The following MITF variants were observed in gnomAD, a reference collection of about 807,000 sequenced individuals.
MITF encodes the protein microphthalmia-associated transcription factor.
In MITF, 17 loss-of-function variants were observed where a neutral mutation model predicts 60.5. That is an observed-to-expected ratio of 0.28 (90% CI 0.19 to 0.42). The LOEUF (loss-of-function observed/expected upper bound fraction) is 0.42, where lower values mean the gene tolerates loss of function less well. MITF is among the 10% of genes least tolerant of loss of function. MITF has a pLI of 1.00. For missense variants in MITF, 622 were observed against 683.5 expected (o/e 0.91, Z 1.00); for synonymous variants, 260 against 248.5 (o/e 1.05, Z -0.43).
At chr3:69,743,143 G>T (rs1703593147) in intron 1 of MITF, among the ~76,000 whole-genome samples, 1 of 152,112 alleles carries the variant, frequency 6.6e-6, no homozygotes, top group African/African-American at 2.4e-5. Flanking sequence ...AGGATGTCCA[G>T]CAGCATCCCT....
intron 2 of MITF, among the ~76,000 whole-genome samples, chr3:69,931,781 A>G (rs2065729878): frequency 6.6e-6 from 1 of 152,304 alleles, no homozygotes; most frequent in East Asian, 1.9e-4. Context: ...GGATTTACAC[A>G]GTTTTATCTT....
Position 69,965,071 on chromosome 3 carries a change from C to T in MITF, c.1404C>T (p.Asn468=), listed in dbSNP as rs771053835. ...NNNLGTGTEA[N]QAYSVPTKMG... is the part of the protein sequence containing the mutation. ...ACCTCGGAACTGGGACTGAGGCCAACCAAGCCTATAGTGTCCCCACAAAAA... is the reference window on the plus strand; with the variant it reads ...ACCTCGGAACTGGGACTGAGGCCAATCAAGCCTATAGTGTCCCCACAAAAA... The change falls in exon 10 of 10, where the codon AAC becomes AAT. Residue 468 remains asparagine, a synonymous_variant. Coordinates refer to ENST00000352241, the MANE Select transcript of MITF (RefSeq NM_001354604.2). 15 of 1,614,016 alleles carry T rather than the reference C, an allele frequency of 9.3e-6. No individual in the cohort carries two copies. The African/African-American group carries it at 1.5e-4, about 16-fold the overall frequency.
At chr3:69,803,617 C>G (rs1575738223) in intron 1 of MITF, among the ~76,000 whole-genome samples, 1 of 152,096 alleles carries the variant, frequency 6.6e-6, no homozygotes. Flanking sequence ...AAAAGTAAAT[C>G]TAATTTTTTA....
intron 1 of MITF, among the ~76,000 whole-genome samples, chr3:69,835,251 T>A (rs2063523353): frequency 6.6e-6 from 1 of 152,054 alleles, no homozygotes; most frequent in South Asian, 2.1e-4. Context: ...CACCTGGGCT[T>A]AAGCAATCTA....
At chr3:69,858,115 T>C (rs951248706) in intron 1 of MITF, among the ~76,000 whole-genome samples, 3 of 152,136 alleles carry the variant, frequency 2.0e-5, no homozygotes, top group African/African-American at 7.2e-5. Context: ...TATTATTTCA[T>C]GGTAATATTC....
At chr3:69,945,198 A>G (rs1559739339) in intron 5 of MITF, among the ~76,000 whole-genome samples, 1 of 152,300 alleles carries the variant, frequency 6.6e-6, no homozygotes, top group East Asian at 1.9e-4. Flanking sequence ...TTTTACAATT[A>G]TCATTTACTT....
chr3:69,745,398 G>A lies in MITF; in HGVS notation c.104+5697G>A, dbSNP rs556910658. Among the ~76,000 whole-genome samples, 18 of 152,240 alleles carry A rather than the reference G, an allele frequency of 1.2e-4. 1 individual carries two copies. In the South Asian group the frequency reaches 3.7e-3, roughly 32 times the overall value. On this transcript the variant is annotated intron_variant, in intron 1 of 9. Transcript: ENST00000352241. ...CTCATGGGTCCAGCTAATTATACAA[G>A]GCAGAGTGTGGTCCCTGTGGCAGGG... is the stretch of plus-strand genomic sequence containing the variant.
chr3:69,818,229 A>G (rs1013919270), intron 1 of MITF, among the ~76,000 whole-genome samples: 6 of 152,212 alleles, frequency 3.9e-5, no homozygotes, highest in Non-Finnish European at 7.4e-5. Context: ...GGACCTAGGA[A>G]GCCTGCTTCC....
intron 2 of MITF, among the ~76,000 whole-genome samples, chr3:69,900,101 C>T (rs905351780): frequency 1.3e-5 from 2 of 151,948 alleles, no homozygotes; most frequent in African/African-American, 4.8e-5. Context: ...TGATTTCTGC[C>T]GAGTGGGAGG....
chr3:69,920,330 G>T (rs2065436089), intron 2 of MITF, among the ~76,000 whole-genome samples: 1 of 152,112 alleles, frequency 6.6e-6, no homozygotes, highest in Non-Finnish European at 1.5e-5. Flanking sequence ...CCCCGGGGGA[G>T]TTTAGAGAAG....
intron 2 of MITF, among the ~76,000 whole-genome samples, chr3:69,881,326 A>G (rs181390010): frequency 8.2e-4 from 125 of 152,212 alleles, no homozygotes; most frequent in African/African-American, 2.5e-3. Flanking sequence ...CTGCTTTTTT[A>G]TATTTCAGTT....
At chr3:69,921,718 G>T (rs2065471886) in intron 2 of MITF, among the ~76,000 whole-genome samples, 1 of 152,198 alleles carries the variant, frequency 6.6e-6, no homozygotes, top group African/African-American at 2.4e-5. Context: ...TAGTTCATGA[G>T]ATACCTGTGC....
chr3:69,811,606 G>T (rs2063101437), intron 1 of MITF, among the ~76,000 whole-genome samples: 1 of 152,122 alleles, frequency 6.6e-6, no homozygotes, highest in Non-Finnish European at 1.5e-5. Context: ...CCCTTCCTTT[G>T]CCACAGCTAA....
intron 4 of MITF, among the ~76,000 whole-genome samples, chr3:69,940,979 G>A (rs1333222315): frequency 2.0e-5 from 3 of 152,076 alleles, no homozygotes; most frequent in Admixed American, 2.0e-4. Flanking sequence ...GAAAATCCTC[G>A]AACCCAATGC....
intron 1 of MITF, among the ~76,000 whole-genome samples, chr3:69,759,415 G>T (rs928520650): frequency 2.0e-5 from 3 of 152,162 alleles, no homozygotes; most frequent in African/African-American, 7.2e-5. Context: ...TTTACAATAT[G>T]ATGTGAGAGC....
intron 2 of MITF, among the ~76,000 whole-genome samples, chr3:69,883,738 C>T (rs2064544197): frequency 6.6e-6 from 1 of 152,090 alleles, no homozygotes; most frequent in Admixed American, 6.5e-5. Flanking sequence ...TTGCCTTTGT[C>T]CCCTCAGTTA....
intron 1 of MITF, among the ~76,000 whole-genome samples, chr3:69,839,057 A>C (rs761068504): frequency 3.3e-5 from 5 of 152,170 alleles, no homozygotes; most frequent in African/African-American, 7.2e-5. Flanking sequence ...CTGCTTTATG[A>C]CATGGAATAA....
intron 1 of MITF, among the ~76,000 whole-genome samples, chr3:69,812,883 G>C (rs1471628131): frequency 6.6e-6 from 1 of 152,134 alleles, no homozygotes; most frequent in Non-Finnish European, 1.5e-5. Context: ...CAATTGGAAA[G>C]GAAAGTTGGT....
At chr3:69,867,513 A>G (rs1266884420) in intron 1 of MITF, among the ~76,000 whole-genome samples, 4 of 152,110 alleles carry the variant, frequency 2.6e-5, no homozygotes, top group African/African-American at 7.2e-5. Context: ...TTATGTCGTC[A>G]TAACAGCTTA....
Sources: allele counts gnomAD v4.1 joint callset (sites outside exome capture counted in the v4.1 genomes callset), GRCh38; gene constraint gnomAD v4.1.1; transcripts MANE v1.5; gene names NCBI Gene and HGNC (gene_info 2026-07-23, HGNC 2026-07-21).